CDHR1: variants seen among roughly 807,000 people sequenced by gnomAD.
CDHR1 encodes the protein cadherin related family member 1.
In CDHR1, 61 loss-of-function variants were observed where a neutral mutation model predicts 72.1. The observed-to-expected ratio is 0.85, with a 90% CI of 0.69 to 1.05. The LOEUF (loss-of-function observed/expected upper bound fraction) is 1.05. Among genes scored for constraint, CDHR1 ranks in the 50% least tolerant of loss-of-function variants. CDHR1 has a pLI of 0.00. For synonymous variants in CDHR1, 470 were observed against 448.1 expected, an observed-to-expected ratio of 1.05 and a Z score of -0.62; for missense variants, 1,186 against 1,115.7, an observed-to-expected ratio of 1.06 and a Z score of -0.90.
At position 84,201,870 on chromosome 10, in the gene CDHR1, A is replaced by T; in HGVS notation, c.589A>T (p.Thr197Ser). The T allele has an allele frequency of 6.2e-7, 1 of 1,608,992 alleles. No homozygotes were observed. The highest frequency in any genetic ancestry group is 8.5e-7 in the Non-Finnish European group (1 of 1,179,964). The change falls in exon 7 of 17, where the codon ACT becomes TCT. Residue 197 changes from threonine to serine, a missense_variant. Coordinates refer to ENST00000623527, the MANE Select transcript of CDHR1 (RefSeq NM_033100.4). ...SGVLRLQAGA[T>S]LDYERSRTHY... The stretch of plus-strand genomic sequence containing the variant: ...TGTGCTGCGCCTCCAGGCTGGGGCC[A>T]CTCTGGACTACGAGAGGTCCCGGAC...
At chr10:84,210,919 C>G in intron 12 of CDHR1, 82 bp from the exon 13 acceptor site, 1 of 1,457,034 alleles carries the variant, frequency 6.9e-7, no homozygotes, top group Non-Finnish European at 9.6e-7. Flanking sequence ...GATGCCACAT[C>G]AGTCCTGGGG....
At chr10:84,197,721 C>T (rs920166696) in intron 3 of CDHR1, 65 bp from the exon 4 acceptor site, 6 of 1,476,082 alleles carry the variant, frequency 4.1e-6, no homozygotes, top group African/African-American at 2.8e-5. Flanking sequence ...AGAGCTCCAT[C>T]CAGCCACAGG....
Position 84,194,569 on chromosome 10 carries a change from C to T in CDHR1, c.-192C>T, listed in dbSNP as rs902749779. The T allele has an allele frequency of 1.1e-5, 5 of 467,710 alleles. No homozygotes were observed. The highest frequency in any genetic ancestry group is 4.4e-5 in the Admixed American group (1 of 22,484). 29.0% of individuals were successfully genotyped at this position (467,710 alleles called of 1,614,324 possible). On this transcript the variant is annotated 5_prime_UTR_variant, in exon 1 of 17. Coordinates refer to ENST00000623527, the MANE Select transcript of CDHR1 (RefSeq NM_033100.4). The stretch of plus-strand genomic sequence containing the variant: ...GGTCTCGTCAGGCGGCCGGCAGGAG[C>T]AGATCCGAGCCGTGTCATCCTCTTA...
rs375359797 is a variant in CDHR1 at position 84,201,942 on chromosome 10, G to T, written c.639+22G>T. On this transcript the variant is annotated intron_variant, in intron 7 of 16. Transcript: ENST00000623527. ...CAAGGTAACACAGCAGGACAGGGGA[G>T]CATCCAGTGTCTCCTCAGCCCTTGG... 11 of 1,547,884 alleles carry T rather than the reference G, an allele frequency of 7.1e-6. No homozygotes were observed. In the African/African-American group the frequency reaches 1.1e-4, roughly 15 times the overall value.
intron 11 of CDHR1, 33 bp downstream of exon 11, chr10:84,208,410 A>C: frequency 7.5e-6 from 12 of 1,608,582 alleles, no homozygotes; most frequent in South Asian, 1.1e-5. Context: ...CTGCCTTCTC[A>C]CAAACGGTAT....
At position 84,215,814 on chromosome 10, in the gene CDHR1, G is replaced by A. The variant is rs751239561; in HGVS notation, c.*1193G>A. The stretch of plus-strand genomic sequence containing the variant: ...GGCTTAGGGGCTACCACTGGATGAT[G>A]GCATTGCCGTGACTCACACACCTCT... On this transcript the variant is annotated 3_prime_UTR_variant, in exon 17 of 17. Coordinates refer to ENST00000623527, the MANE Select transcript of CDHR1 (RefSeq NM_033100.4). 6 of 985,532 alleles carry A rather than the reference G, an allele frequency of 6.1e-6. No homozygotes were observed. The highest frequency in any genetic ancestry group is 7.2e-6 in the Non-Finnish European group (6 of 830,018). 61.0% of individuals were successfully genotyped at this position (985,532 alleles called of 1,614,324 possible).
At chr10:84,197,937 C>A in intron 4 of CDHR1, 101 bp downstream of exon 4, 1 of 1,177,902 alleles carries the variant, frequency 8.5e-7, no homozygotes, top group Non-Finnish European at 1.3e-6. Flanking sequence ...GGGGGCTTTT[C>A]TGCAAGTTTA....
intron 2 of CDHR1, 77 bp from the exon 3 acceptor site, chr10:84,196,428 G>A (rs1193624375): frequency 8.6e-5 from 129 of 1,495,308 alleles, no homozygotes; most frequent in Non-Finnish European, 1.0e-4. Context: ...CAGCTGAATC[G>A]TTGGTCCTGA....
In CDHR1 at chr10:84,197,799, T is replaced by C. The variant is rs1235318623; in HGVS notation, c.311T>C (p.Ile104Thr). 1.2e-6 allele frequency: 2 copies of C among 1,613,898 alleles called. No individual in the cohort carries two copies. The highest frequency in any genetic ancestry group is 1.3e-5 in the African/African-American group (1 of 74,894). The change falls in exon 4 of 17, where the codon ATT becomes ACT. Residue 104 changes from isoleucine to threonine, a missense_variant. Physicochemically the swap from Ile to Thr is moderately conservative, Grantham distance 89 (BLOSUM62 -1). Coordinates refer to ENST00000623527, the MANE Select transcript of CDHR1 (RefSeq NM_033100.4). ...TGTGCTTCACAGAGGGAAGATGAGA[T>C]TGAAGCCATCATCAGCATTTCTGAT... ...EELDREREDE[I>T]EAIISISDGL... is the part of the protein sequence containing the mutation.
rs150655979 is a variant in CDHR1 at position 84,199,564 on chromosome 10, C to G, written c.438+443C>G. ...CTCATTAATTGTAAAGTTTGGGTAA[C>G]TATCATTTTAATAGCTTCCATAAGT... On this transcript the variant is annotated intron_variant, in intron 5 of 16. Coordinates refer to ENST00000623527, the MANE Select transcript of CDHR1 (RefSeq NM_033100.4). Among the ~76,000 whole-genome samples, 23 of 152,258 alleles carry G rather than the reference C, an allele frequency of 1.5e-4. No homozygotes were observed. In the East Asian group the frequency reaches 3.5e-3, roughly 23 times the overall value.
chr10:84,204,625 G>A lies in CDHR1; in HGVS notation c.862+20G>A. 1 of 1,576,254 alleles carries A rather than the reference G, an allele frequency of 6.3e-7. No homozygotes were observed. Among genetic ancestry groups the A allele is most frequent in the Non-Finnish European group, 8.7e-7 (1 of 1,145,646 alleles). On this transcript the variant is annotated intron_variant, in intron 9 of 16. Transcript: ENST00000623527. ...TAAATGGTGAGTCTGAGCAGCTTTG[G>A]GGGCTGCAGCTTTGACTCTCTAGGT...
Position 84,218,191 on chromosome 10 carries a change from A to T in CDHR1, c.*3570A>T. 9 of 985,486 alleles carry T rather than the reference A, an allele frequency of 9.1e-6. No homozygotes were observed. Among genetic ancestry groups the T allele is most frequent in the Non-Finnish European group, 9.6e-6 (8 of 829,950 alleles). 61.0% of individuals were successfully genotyped at this position (985,486 alleles called of 1,614,324 possible). A position where few individuals can be genotyped will look rare whatever the true frequency, so the allele number is the denominator to read the frequency against. On this transcript the variant is annotated 3_prime_UTR_variant, in exon 17 of 17. Coordinates refer to ENST00000623527, the MANE Select transcript of CDHR1 (RefSeq NM_033100.4). ...ATGAGGCAGGAGACTGGCATGTGCC[A>T]CATGGAGGACCCCTTAGGAAACTCA...
In CDHR1 at chr10:84,211,078, T is replaced by A; in HGVS notation, c.1398T>A (p.Asn466Lys). Residue 466 changes from asparagine (N) to lysine (K), a missense_variant, in exon 13 of 17, where the codon AAT (asparagine) becomes AAA (lysine). Transcript: ENST00000623527. Reference sequence around the variant, plus strand: ...TTGTGATCCAGCTCCTGGACACCAATGACAATGTCCCCAAGTTCGACTCCC... The same window carrying A: ...TTGTGATCCAGCTCCTGGACACCAAAGACAATGTCCCCAAGTTCGACTCCC... ...ADVVIQLLDTNDNVPKFDSLY... is the reference protein window; with the variant it reads ...ADVVIQLLDTKDNVPKFDSLY... The A allele has an allele frequency of 6.2e-7, 1 of 1,614,248 alleles. No individual in the cohort carries two copies. Among genetic ancestry groups the A allele is most frequent in the Non-Finnish European group, 8.5e-7 (1 of 1,180,038 alleles).
At position 84,212,297 on chromosome 10, in the gene CDHR1, A is replaced by G; in HGVS notation, c.1672A>G (p.Ser558Gly). The change falls in exon 15 of 17, where the codon AGC (serine) becomes GGC (glycine). Residue 558 changes from serine to glycine, a missense_variant. Transcript: ENST00000623527. The part of the protein sequence containing the change: ...VKAEDMEGKY[S>G]VAEVFITLLD... ...GGCAGAGGACATGGAAGGCAAGTAC[A>G]GCGTAGCTGAGGTGTTTATCACACT... 3.1e-6 allele frequency: 5 copies of G among 1,614,234 alleles called. No individual in the cohort carries two copies. The highest frequency in any genetic ancestry group is 4.2e-6 in the Non-Finnish European group (5 of 1,180,030).
At position 84,216,191 on chromosome 10, in the gene CDHR1, C is replaced by T; in HGVS notation, c.*1570C>T. 3.0e-6 allele frequency: 3 copies of T among 985,410 alleles called. No homozygotes were observed. The highest frequency in any genetic ancestry group is 3.6e-6 in the Non-Finnish European group (3 of 829,938). The allele number at this position is 985,410 out of a possible 1,614,324, so 61.0% of individuals were successfully genotyped here. A position where few individuals can be genotyped will look rare whatever the true frequency, so the allele number is the denominator to read the frequency against. ...CATTTGGCTCTACTTACTAACAACC[C>T]CTCTAGAATACATTGGTGATTTCAT... On this transcript the variant is annotated 3_prime_UTR_variant, in exon 17 of 17. Coordinates refer to ENST00000623527, the MANE Select transcript of CDHR1 (RefSeq NM_033100.4).
intron 4 of CDHR1, 69 bp downstream of exon 4, chr10:84,197,905 C>T (rs987092557): frequency 2.5e-5 from 36 of 1,440,578 alleles, no homozygotes; most frequent in Middle Eastern, 2.2e-4. Flanking sequence ...GAGGCTGGCA[C>T]GATTCCTCCC....
In CDHR1 at chr10:84,208,303, C is replaced by T. The variant is rs1842265224; in HGVS notation, c.1093C>T (p.Leu365=). ...GAGCGGACCCCAAAACAGGTTTGAG[C>T]TGTCCATGAATGAGCACCCACCCCA... ...GESGPQNRFE[L]SMNEHPPQGE... Residue 365 remains leucine (L), a synonymous_variant, in exon 11 of 17, where the codon CTG becomes TTG. Coordinates refer to ENST00000623527, the MANE Select transcript of CDHR1 (RefSeq NM_033100.4). 5.0e-6 allele frequency: 8 copies of T among 1,614,146 alleles called. No individual in the cohort carries two copies. Among genetic ancestry groups the T allele is most frequent in the Non-Finnish European group, 6.8e-6 (8 of 1,180,026 alleles).
rs1842438314 is a variant in CDHR1, at chr10:84,217,145, C to T, written c.*2524C>T. Reference sequence around the variant, plus strand: ...GTGTTGTCAGCACTGGAGGAGACCCCGCCAGTGGGGTGAGGCCAGCCAAGT... The same window carrying T: ...GTGTTGTCAGCACTGGAGGAGACCCTGCCAGTGGGGTGAGGCCAGCCAAGT... On this transcript the variant is annotated 3_prime_UTR_variant, in exon 17 of 17. Transcript: ENST00000623527. The T allele has an allele frequency of 8.1e-6, 8 of 985,458 alleles. No homozygotes were observed. Among genetic ancestry groups the T allele is most frequent in the African/African-American group, 1.7e-5 (1 of 57,214 alleles). The allele number at this position is 985,458 out of a possible 1,614,324, so 61.0% of individuals were successfully genotyped here. A position where few individuals can be genotyped will look rare whatever the true frequency, so the allele number is the denominator to read the frequency against.
At chr10:84,202,241 G>A (rs1842141073) in intron 7 of CDHR1, among the ~76,000 whole-genome samples, 1 of 152,056 alleles carries the variant, frequency 6.6e-6, no homozygotes, top group Admixed American at 6.6e-5. Context: ...CCTCTCGCTG[G>A]CCAGGCTTGC....
Sources: allele counts gnomAD v4.1 joint callset (sites outside exome capture counted in the v4.1 genomes callset), GRCh38; gene constraint gnomAD v4.1.1; transcripts MANE v1.5; gene names NCBI Gene and HGNC (gene_info 2026-07-23, HGNC 2026-07-21).